The following BLTP1 variants were observed in gnomAD, a reference collection of about 807,000 sequenced individuals.
The protein encoded by BLTP1 is fragile site-associated protein.
the BLTP1 span, among the ~76,000 whole-genome samples, chr4:122,164,764 T>A: frequency 5.3e-4 from 76 of 143,838 alleles, no homozygotes; most frequent in Non-Finnish European, 7.2e-4. Context: ...ATTTTATTTT[T>A]TTTTTTGCAT....
the BLTP1 span, among the ~76,000 whole-genome samples, chr4:122,337,733 C>T: frequency 6.6e-6 from 1 of 151,388 alleles, no homozygotes; most frequent in African/African-American, 2.4e-5. Flanking sequence ...ACAATAGTAC[C>T]TTTGTTCAAA....
chr4:122,230,149 C>A, the BLTP1 span: 1 of 1,613,998 alleles, frequency 6.2e-7, no homozygotes, highest in Non-Finnish European at 8.5e-7. Flanking sequence ...TAGCTGCTGA[C>A]CATCATTCTA....
At chr4:122,177,402 C>T in the BLTP1 span, among the ~76,000 whole-genome samples, 1 of 152,148 alleles carries the variant, frequency 6.6e-6, no homozygotes, top group Non-Finnish European at 1.5e-5. Context: ...GCACTTGTTC[C>T]TCAACCTGCT....
At chr4:122,306,731 A>G in the BLTP1 span, 5 of 907,826 alleles carry the variant, frequency 5.5e-6, no homozygotes, top group East Asian at 1.2e-4. Context: ...AGTAGGTTTC[A>G]TAGAAGAAAA....
chr4:122,347,542 G>A, the BLTP1 span: 1 of 1,613,414 alleles, frequency 6.2e-7, no homozygotes, highest in South Asian at 1.1e-5. Flanking sequence ...AGGGACACCT[G>A]ATTCCATTGA....
chr4:122,249,243 G>T, the BLTP1 span: 14 of 548,598 alleles, frequency 2.6e-5, no homozygotes, highest in South Asian at 1.6e-4. Context: ...AGAGTATCCT[G>T]TAATCATTCA....
the BLTP1 span, among the ~76,000 whole-genome samples, chr4:122,201,388 A>T: frequency 6.6e-6 from 1 of 152,322 alleles, no homozygotes; most frequent in East Asian, 1.9e-4. Flanking sequence ...GCTTTGTATC[A>T]GTCTAGTTGG....
At chr4:122,348,846 ATG>A in the BLTP1 span, 1 of 651,356 alleles carries the variant, frequency 1.5e-6, no homozygotes. Flanking sequence ...ACGATATAAA[ATG>A]TTTTATCCTG....
At chr4:122,266,875 A>C in the BLTP1 span, 1 of 1,612,664 alleles carries the variant, frequency 6.2e-7, no homozygotes. Flanking sequence ...AACACCTTTC[A>C]TTTTCAGGGA....
At chr4:122,271,344 C>A in the BLTP1 span, 1 of 1,613,860 alleles carries the variant, frequency 6.2e-7, no homozygotes, top group African/African-American at 1.3e-5. Flanking sequence ...CCAACACCTA[C>A]CTTCAAAACC....
At chr4:122,238,309 A>G in the BLTP1 span, 1 of 1,614,164 alleles carries the variant, frequency 6.2e-7, no homozygotes, top group African/African-American at 1.3e-5. Flanking sequence ...TGGTTCAAAA[A>G]GAGTTCTTGC....
At chr4:122,265,294 A>G in the BLTP1 span, among the ~76,000 whole-genome samples, 1 of 152,356 alleles carries the variant, frequency 6.6e-6, no homozygotes, top group African/African-American at 2.4e-5. Context: ...TTTCTAGATT[A>G]CTTATAATAC....
the BLTP1 span, chr4:122,195,666 C>G: frequency 4.9e-6 from 4 of 810,956 alleles, no homozygotes; most frequent in East Asian, 2.5e-4. Context: ...TCCTATCTAC[C>G]CACCTTGTAG....
the BLTP1 span, chr4:122,347,922 AACACAGT>A: frequency 3.2e-6 from 2 of 628,820 alleles, no homozygotes; most frequent in Non-Finnish European, 5.4e-6. Context: ...AAAAATCCCC[AACACAGT>A]AAAAACAACA....
chr4:122,200,001 A>G, the BLTP1 span: 2 of 976,368 alleles, frequency 2.0e-6, no homozygotes, highest in Non-Finnish European at 1.2e-6. Flanking sequence ...ATCAGGGACA[A>G]CAACACTAAC....
the BLTP1 span, among the ~76,000 whole-genome samples, chr4:122,294,198 C>T: frequency 3.3e-5 from 5 of 152,160 alleles, no homozygotes; most frequent in African/African-American, 9.6e-5. Flanking sequence ...TGGAGAGTCC[C>T]GGTGGTCTGG....
chr4:122,257,822 A>T, the BLTP1 span, among the ~76,000 whole-genome samples: 1 of 152,330 alleles, frequency 6.6e-6, no homozygotes, highest in South Asian at 2.1e-4. Flanking sequence ...AATGATTAGG[A>T]ATCTTCATAC....
the BLTP1 span, chr4:122,270,979 G>T: frequency 2.0e-6 from 3 of 1,520,712 alleles, no homozygotes; most frequent in Non-Finnish European, 2.6e-6. Context: ...TGGAAAAATG[G>T]AAGAAAAACC....
chr4:122,263,383 A>G, the BLTP1 span: 1 of 1,463,100 alleles, frequency 6.8e-7, no homozygotes, highest in Non-Finnish European at 9.0e-7. Flanking sequence ...TATATAAATT[A>G]CATTTTTTTG....
Sources: allele counts gnomAD v4.1 joint callset (sites outside exome capture counted in the v4.1 genomes callset), GRCh38; gene constraint gnomAD v4.1.1; transcripts MANE v1.5; gene names NCBI Gene and HGNC (gene_info 2026-07-23, HGNC 2026-07-21).